Variants in MYT1L observed in about 807,000 individuals in gnomAD.
MYT1L encodes the protein myelin transcription factor 1-like protein.
Under a neutral mutation model 126.7 loss-of-function variants are expected in MYT1L, and 12 were observed. The observed-to-expected ratio is 0.09, with a 90% confidence interval of 0.06 to 0.15. The LOEUF (loss-of-function observed/expected upper bound fraction) is 0.15, where lower values mean the gene tolerates loss of function less well. Among genes scored for constraint, MYT1L ranks in the 10% least tolerant of loss-of-function variants. MYT1L has a pLI of 1.00. For missense variants in MYT1L, 979 were observed against 1,585.2 expected, an observed-to-expected ratio of 0.62 and a Z score of 6.49; for synonymous variants, 541 against 604.2, an observed-to-expected ratio of 0.90 and a Z score of 1.53.
At chr2:2,101,352 T>C (rs2078050660) in intron 3 of MYT1L, among the ~76,000 whole-genome samples, 1 of 152,200 alleles carries the variant, frequency 6.6e-6, no homozygotes, top group Non-Finnish European at 1.5e-5. Flanking sequence ...GTATGCTGGC[T>C]GCTTAACCCT....
Position 1,993,110 on chromosome 2 carries a change from G to A in MYT1L, c.-1+4081C>T, listed in dbSNP as rs368344535. Among the ~76,000 whole-genome samples the A allele has an allele frequency of 5.9e-5, 9 of 152,124 alleles. No individual in the cohort carries two copies. In the East Asian group the frequency reaches 9.6e-4, roughly 16 times the overall value. ...TAAAAACTCTGCTCCTTGAATGCTCGGGGGAGACTGACTGGAGTAATAATG... is the reference window on the plus strand; with the variant it reads ...TAAAAACTCTGCTCCTTGAATGCTCAGGGGAGACTGACTGGAGTAATAATG... On this transcript the variant is annotated intron_variant, in intron 5 of 24. Coordinates refer to ENST00000647738, the MANE Select transcript of MYT1L (RefSeq NM_001303052.2).
intron 2 of MYT1L, among the ~76,000 whole-genome samples, chr2:2,259,402 A>G (rs1352087412): frequency 7.7e-6 from 1 of 129,394 alleles, no homozygotes; most frequent in Admixed American, 7.3e-5. Context: ...AATAAAAAAA[A>G]AAACATTAAA....
At chr2:1,849,651 C>T (rs1409277964) in intron 19 of MYT1L, among the ~76,000 whole-genome samples, 2 of 152,380 alleles carry the variant, frequency 1.3e-5, no homozygotes, top group South Asian at 2.1e-4. Flanking sequence ...AAACAGCCAT[C>T]TGCCCCCACT....
At position 1,806,042 on chromosome 2, in the gene MYT1L, G is replaced by A. The variant is rs2035651297; in HGVS notation, c.3172+3034C>T. 7.2e-6 allele frequency among the ~76,000 whole-genome samples: 1 copy of A among 139,224 alleles called. No individual in the cohort carries two copies. The highest frequency in any genetic ancestry group is 7.2e-5 in the Admixed American group (1 of 13,828). The allele number at this position is 139,224 out of a possible 152,430, so 91.3% of individuals were successfully genotyped here. A position where few individuals can be genotyped will look rare whatever the true frequency, so the allele number is the denominator to read the frequency against. On this transcript the variant is annotated intron_variant, in intron 22 of 24. Coordinates refer to ENST00000647738, the MANE Select transcript of MYT1L (RefSeq NM_001303052.2). The surrounding 1 kb of genome is among the most constrained non-coding windows in gnomAD (Gnocchi z 4.9). ...ATTGGATGCTGTGCCTCTGTCCCCT[G>A]AAGAGCCGCAGGAATTGGATGCTGT...
intron 3 of MYT1L, among the ~76,000 whole-genome samples, chr2:2,128,044 A>G (rs1273933362): frequency 6.6e-6 from 1 of 152,220 alleles, no homozygotes; most frequent in Non-Finnish European, 1.5e-5. Context: ...GTATCATAAC[A>G]ATGCTAATTA....
At chr2:1,805,318 A>C (rs1262952645) in intron 22 of MYT1L, among the ~76,000 whole-genome samples, 1 of 152,240 alleles carries the variant, frequency 6.6e-6, no homozygotes, top group Non-Finnish European at 1.5e-5. Context: ...TTCTTGGCCG[A>C]GTCAGTGCCT....
chr2:2,121,880 C>T (rs2081065872), intron 3 of MYT1L, among the ~76,000 whole-genome samples: 1 of 152,158 alleles, frequency 6.6e-6, no homozygotes, highest in Non-Finnish European at 1.5e-5. Flanking sequence ...TGATCTCAGT[C>T]CCTTCTTGCT....
At chr2:2,300,796 C>T (rs551662005) in intron 1 of MYT1L, among the ~76,000 whole-genome samples, 5 of 152,154 alleles carry the variant, frequency 3.3e-5, no homozygotes, top group South Asian at 2.1e-4. Flanking sequence ...CTCACAGAGC[C>T]GCCTGGAGCT....
At position 1,793,414 on chromosome 2, in the gene MYT1L, G is replaced by C. The variant is rs1004688057; in HGVS notation, c.3277-950C>G. Among the ~76,000 whole-genome samples the C allele has an allele frequency of 1.3e-5, 2 of 152,150 alleles. No homozygotes were observed. Among genetic ancestry groups the C allele is most frequent in the Non-Finnish European group, 2.9e-5 (2 of 68,014 alleles). On this transcript the variant is annotated intron_variant, in intron 23 of 24. Transcript: ENST00000647738. The surrounding 1 kb of genome is among the most constrained non-coding windows in gnomAD (Gnocchi z 4.6). ...ATCTGGGGCTTCTTCCTGGAAGACCGGGCCGACCCGCAGAGTCCAGGGCTG... is the reference window on the plus strand; with the variant it reads ...ATCTGGGGCTTCTTCCTGGAAGACCCGGCCGACCCGCAGAGTCCAGGGCTG...
intron 3 of MYT1L, among the ~76,000 whole-genome samples, chr2:2,087,924 T>C (rs902829840): frequency 6.6e-6 from 1 of 152,258 alleles, no homozygotes; most frequent in Non-Finnish European, 1.5e-5. Flanking sequence ...TCCATAGCCT[T>C]GCCTTGACCA....
chr2:1,806,894 T>C lies in MYT1L; in HGVS notation c.3172+2182A>G, dbSNP rs185257626. 2.0e-3 allele frequency among the ~76,000 whole-genome samples: 307 copies of C among 152,286 alleles called. 1 individual carries two copies. The highest frequency in any genetic ancestry group is 7.0e-3 in the African/African-American group (290 of 41,558). Reference sequence around the variant, plus strand: ...AATCCAGGGTTATTCGGGGGTGAAATGCCCTCTAAGTATTTTGAAAAGCGC... The same window carrying C: ...AATCCAGGGTTATTCGGGGGTGAAACGCCCTCTAAGTATTTTGAAAAGCGC... On this transcript the variant is annotated intron_variant, in intron 22 of 24. Transcript: ENST00000647738. The surrounding 1 kb of genome is among the most constrained non-coding windows in gnomAD (Gnocchi z 4.9).
intron 8 of MYT1L, chr2:1,974,860 T>C (rs2060050314): frequency 6.6e-6 from 1 of 152,222 alleles, no homozygotes; most frequent in Admixed American, 6.5e-5. Context: ...TTGTTCCAAA[T>C]TTATATTTTG....
chr2:1,903,943 G>A lies in MYT1L; in HGVS notation c.1818-649C>T, dbSNP rs184914330. 3.6e-4 allele frequency among the ~76,000 whole-genome samples: 55 copies of A among 152,350 alleles called. No homozygotes were observed. In the East Asian group the frequency reaches 0.011, roughly 29 times the overall value. The stretch of plus-strand genomic sequence containing the variant: ...CACCATGTCGTGTGTGTGTGTGTGT[G>A]TGTGTGCGCGTGCGCGCGTGTGTGT... On this transcript the variant is annotated intron_variant, in intron 13 of 24. Coordinates refer to ENST00000647738, the MANE Select transcript of MYT1L (RefSeq NM_001303052.2).
intron 18 of MYT1L, among the ~76,000 whole-genome samples, chr2:1,858,619 C>A (rs1030884068): frequency 1.1e-4 from 17 of 152,172 alleles, no homozygotes; most frequent in African/African-American, 1.9e-4. Flanking sequence ...ACCAACCCCC[C>A]AGGGATGCTG....
At chr2:2,234,835 G>A (rs2094245110) in intron 2 of MYT1L, among the ~76,000 whole-genome samples, 1 of 152,166 alleles carries the variant, frequency 6.6e-6, no homozygotes, top group African/African-American at 2.4e-5. Context: ...AACAGGCTCT[G>A]ATTGCACTGT....
chr2:2,117,336 A>G (rs2080340720), intron 3 of MYT1L, among the ~76,000 whole-genome samples: 1 of 152,242 alleles, frequency 6.6e-6, no homozygotes, highest in Non-Finnish European at 1.5e-5. Context: ...AATGTGTTGC[A>G]GTAGAGAAGG....
At chr2:2,048,004 G>A (rs1021590392) in intron 4 of MYT1L, among the ~76,000 whole-genome samples, 1 of 151,848 alleles carries the variant, frequency 6.6e-6, no homozygotes, top group African/African-American at 2.4e-5. Flanking sequence ...ACATGGGGCT[G>A]TCCATAAACT....
chr2:2,097,684 A>G (rs966502711), intron 3 of MYT1L, among the ~76,000 whole-genome samples: 3 of 152,118 alleles, frequency 2.0e-5, no homozygotes, highest in African/African-American at 7.2e-5. Flanking sequence ...GATCGAGAGG[A>G]GGGCAAGGAT....
chr2:2,184,350 A>G (rs535046858), intron 2 of MYT1L, among the ~76,000 whole-genome samples: 13 of 152,356 alleles, frequency 8.5e-5, no homozygotes, highest in African/African-American at 2.9e-4. Context: ...TCGTCCCTGT[A>G]GATTCCACAG....
Sources: gnomAD v4.1 joint callset for allele counts (sites outside exome capture counted in the v4.1 genomes callset) on GRCh38, gnomAD v4.1.1 for gene constraint, Gnocchi (gnomAD v3.1) non-coding constraint, MANE v1.5 for transcripts, NCBI Gene and HGNC (gene_info 2026-07-23, HGNC 2026-07-21) for gene names.